The following KIAA1217 variants were observed in gnomAD, a reference collection of about 807,000 sequenced individuals.
KIAA1217 encodes sickle tail protein homolog.
A neutral mutation model predicts 163.9 loss-of-function variants in KIAA1217; 88 were observed. The observed-to-expected ratio is 0.54, with a 90% CI of 0.45 to 0.64. KIAA1217 has a LOEUF of 0.64. Among genes scored for constraint, KIAA1217 ranks in the 30% least tolerant of loss-of-function variants. KIAA1217 has a pLI of 0.00. For missense variants in KIAA1217, 2,372 were observed against 2,475.0 expected (o/e 0.96, Z 0.88); for synonymous variants, 903 against 923.1 (o/e 0.98, Z 0.39).
At chr10:24,252,826 G>A (rs1208454142) in intron 2 of KIAA1217, among the ~76,000 whole-genome samples, 1 of 151,896 alleles carries the variant, frequency 6.6e-6, no homozygotes, top group Non-Finnish European at 1.5e-5. Context: ...GATAATTTTA[G>A]ATGGAGATAC....
intron 2 of KIAA1217, among the ~76,000 whole-genome samples, chr10:24,228,458 G>C (rs1418515695): frequency 6.6e-6 from 1 of 151,928 alleles, no homozygotes; most frequent in Non-Finnish European, 1.5e-5. Context: ...ATTAATATTT[G>C]TGGTATTTTC....
At chr10:23,854,438 G>A (rs1207187191) in intron 1 of KIAA1217, among the ~76,000 whole-genome samples, 1 of 152,142 alleles carries the variant, frequency 6.6e-6, no homozygotes, top group Non-Finnish European at 1.5e-5. Flanking sequence ...TTCCAACTAT[G>A]TGGTCAATTT....
rs184074557 is a variant in KIAA1217, at chr10:24,000,814, C to G, written c.-320-6411C>G. On this transcript the variant is annotated intron_variant, in intron 1 of 18. Transcript: ENST00000376462. ...TTGTCTACAAATTGGGGCTTCACCC[C>G]AGGTCGAGCACTGCTCGCCCTCCGT... 1.6e-3 allele frequency among the ~76,000 whole-genome samples: 245 copies of G among 152,366 alleles called. 1 individual carries two copies. Among genetic ancestry groups the G allele is most frequent in the African/African-American group, 5.6e-3 (233 of 41,598 alleles).
At chr10:23,899,289 A>G (rs1289742510) in intron 1 of KIAA1217, among the ~76,000 whole-genome samples, 1 of 152,140 alleles carries the variant, frequency 6.6e-6, no homozygotes, top group Non-Finnish European at 1.5e-5. Context: ...ATATTCCTGC[A>G]TGAGAGTTCT....
chr10:24,220,447 T>C (rs1013984248), intron 2 of KIAA1217, among the ~76,000 whole-genome samples: 1 of 53,270 alleles, frequency 1.9e-5, no homozygotes, highest in Non-Finnish European at 3.8e-5. Context: ...TCTGCTCTTC[T>C]TTTTTTTTTT....
intron 3 of KIAA1217, 34 bp from the exon 4 acceptor site, chr10:24,432,961 A>T: frequency 6.3e-7 from 1 of 1,583,386 alleles, no homozygotes; most frequent in Non-Finnish European, 8.7e-7. Context: ...CTGAGTCTTG[A>T]CCTGTGACTA....
intron 1 of KIAA1217, among the ~76,000 whole-genome samples, chr10:23,910,029 C>T (rs1050524656): frequency 3.3e-5 from 5 of 152,044 alleles, no homozygotes; most frequent in African/African-American, 9.7e-5. Flanking sequence ...TTTTGATTTG[C>T]GTTTCTCTAA....
chr10:24,436,594 G>T (rs7074850), intron 4 of KIAA1217, among the ~76,000 whole-genome samples: 150,290 of 151,568 alleles, frequency 0.99, 74,562 homozygotes, highest in Middle Eastern at 1. Context: ...CCGTCTCTAC[G>T]GAAAATACAA....
intron 2 of KIAA1217, among the ~76,000 whole-genome samples, chr10:24,373,552 A>C (rs879582405): frequency 7.9e-5 from 12 of 152,114 alleles, no homozygotes; most frequent in Non-Finnish European, 1.8e-4. Context: ...AAGTTCCATA[A>C]ATTTTTTGTT....
chr10:24,514,084 A>T (rs2069642206), intron 10 of KIAA1217, among the ~76,000 whole-genome samples: 1 of 152,216 alleles, frequency 6.6e-6, no homozygotes, highest in African/African-American at 2.4e-5. Flanking sequence ...GAAAGCATCT[A>T]TCAAGTCCTA....
intron 17 of KIAA1217, 67 bp from the exon 18 acceptor site, chr10:24,542,626 A>C (rs1384469554): frequency 4.4e-6 from 7 of 1,587,974 alleles, no homozygotes; most frequent in South Asian, 1.1e-5. Context: ...GGAACGATTT[A>C]GTTATAGTCC....
At chr10:23,930,904 C>T (rs1182205303) in intron 1 of KIAA1217, among the ~76,000 whole-genome samples, 4 of 152,100 alleles carry the variant, frequency 2.6e-5, no homozygotes, top group African/African-American at 9.7e-5. Context: ...CTCACGTGTG[C>T]CTCCCCTTGG....
chr10:24,281,917 T>A (rs372432248), intron 2 of KIAA1217, among the ~76,000 whole-genome samples: 1 of 151,722 alleles, frequency 6.6e-6, no homozygotes, highest in Non-Finnish European at 1.5e-5. Flanking sequence ...ATTAGCCAGG[T>A]GTGGTGGCGG....
At chr10:24,071,075 A>T (rs958461972) in intron 2 of KIAA1217, among the ~76,000 whole-genome samples, 1 of 152,202 alleles carries the variant, frequency 6.6e-6, no homozygotes, top group Non-Finnish European at 1.5e-5. Context: ...TGAAGGGAAC[A>T]TTGTGGCATC....
intron 2 of KIAA1217, among the ~76,000 whole-genome samples, chr10:24,103,201 A>G (rs1384431191): frequency 6.6e-6 from 1 of 152,200 alleles, no homozygotes; most frequent in East Asian, 1.9e-4. Flanking sequence ...TGGAACAACT[A>G]GACAACACAT....
At chr10:23,718,157 G>T (rs144049704) in intron 1 of KIAA1217, among the ~76,000 whole-genome samples, 6 of 152,244 alleles carry the variant, frequency 3.9e-5, no homozygotes, top group Admixed American at 6.5e-5. Flanking sequence ...GGCCAAAACT[G>T]CAGTTACCTT....
intron 1 of KIAA1217, among the ~76,000 whole-genome samples, chr10:23,873,265 A>G (rs1388228839): frequency 6.6e-6 from 1 of 152,104 alleles, no homozygotes; most frequent in Non-Finnish European, 1.5e-5. Context: ...CCATGTTCTC[A>G]AGAACAAAAT....
chr10:24,048,861 T>C (rs551460430), intron 2 of KIAA1217, among the ~76,000 whole-genome samples: 2 of 151,736 alleles, frequency 1.3e-5, no homozygotes, highest in East Asian at 3.9e-4. Context: ...TGAAACCCCA[T>C]CTCTACTAAA....
chr10:24,452,195 G>C (rs1054986076), intron 5 of KIAA1217, among the ~76,000 whole-genome samples: 2 of 152,058 alleles, frequency 1.3e-5, no homozygotes, highest in African/African-American at 4.8e-5. Flanking sequence ...ATCTCTGCTT[G>C]CATGTGGTTT....
Sources: gnomAD v4.1 joint callset for allele counts (sites outside exome capture counted in the v4.1 genomes callset) on GRCh38, gnomAD v4.1.1 for gene constraint, MANE v1.5 for transcripts, NCBI Gene and HGNC (gene_info 2026-07-23, HGNC 2026-07-21) for gene names.